Variants in ANGPT1 observed in about 807,000 individuals in gnomAD.
ANGPT1 encodes the protein angiopoietin 1, also known as angiopoietin-1.
Under a neutral mutation model 62.2 loss-of-function variants are expected in ANGPT1, and 17 were observed. The ratio of observed to expected loss-of-function variants is 0.27; its 90% confidence interval spans 0.19 to 0.41. The LOEUF (loss-of-function observed/expected upper bound fraction) is 0.41. ANGPT1 is among the 10% of genes least tolerant of loss of function. The probability of loss-of-function intolerance (pLI) is 1.00; values close to 1 mark genes in which losing one functional copy is unlikely to be tolerated. For missense variants in ANGPT1, 478 were observed against 594.9 expected, an observed-to-expected ratio of 0.80 and a Z score of 2.04; for synonymous variants, 199 against 198.9, an observed-to-expected ratio of 1.00 and a Z score of 0.00.
At position 107,337,963 on chromosome 8, in the gene ANGPT1, G is replaced by A. The variant is rs575291690; in HGVS notation, c.454-1692C>T. On this transcript the variant is annotated intron_variant, in intron 2 of 8. Transcript: ENST00000517746. ...ATACAAAAATTAACTGGGCATGGTG[G>A]TTTGTGCCTGTAGTCCCAGCTACTC... Among the ~76,000 whole-genome samples, 12 of 152,238 alleles carry A rather than the reference G, an allele frequency of 7.9e-5. No individual in the cohort carries two copies. The East Asian group carries it at 2.3e-3, about 29-fold the overall frequency.
intron 3 of ANGPT1, among the ~76,000 whole-genome samples, chr8:107,334,875 G>C (rs776399710): frequency 4.6e-5 from 7 of 152,156 alleles, no homozygotes; most frequent in Non-Finnish European, 8.8e-5. Context: ...GTCAAGTCCT[G>C]TCAAGTTTAT....
Position 107,250,767 on chromosome 8 carries a change from G to T in ANGPT1, c.*1088C>A, listed in dbSNP as rs1333638067. ...GTGTGAATCTGGTAAGCATGTTTCA[G>T]TTAATTAGCAAAATTTAAATTAGCA... On this transcript the variant is annotated 3_prime_UTR_variant, in exon 9 of 9. Transcript: ENST00000517746. 2 of 152,002 alleles carry T rather than the reference G, an allele frequency of 1.3e-5. No individual in the cohort carries two copies. Among genetic ancestry groups the T allele is most frequent in the Non-Finnish European group, 2.9e-5 (2 of 67,966 alleles). The allele number at this position is 152,002 out of a possible 1,614,324, so 9.4% of individuals were successfully genotyped here. A position where few individuals can be genotyped will look rare whatever the true frequency, so the allele number is the denominator to read the frequency against.
chr8:107,309,542 T>C (rs1391639327), intron 4 of ANGPT1, among the ~76,000 whole-genome samples: 2 of 152,174 alleles, frequency 1.3e-5, no homozygotes, highest in Non-Finnish European at 2.9e-5. Flanking sequence ...AGGTAATGTC[T>C]TGCATTTCAA....
In ANGPT1 at chr8:107,308,432, C is replaced by T. The variant is rs115815005; in HGVS notation, c.809-5065G>A. 1.3e-3 allele frequency among the ~76,000 whole-genome samples: 194 copies of T among 152,198 alleles called. 1 individual carries two copies. The highest frequency in any genetic ancestry group is 4.3e-3 in the African/African-American group (180 of 41,524). ...GGCAATCAACCTGGTCACAAGATAG[C>T]TGGCAATAACTTGTAAGGCTATAAT... is the stretch of plus-strand genomic sequence containing the variant. On this transcript the variant is annotated intron_variant, in intron 4 of 8. Transcript: ENST00000517746.
At chr8:107,418,800 TG>T (rs1362656521) in intron 1 of ANGPT1, among the ~76,000 whole-genome samples, 1 of 152,154 alleles carries the variant, frequency 6.6e-6, no homozygotes, top group Non-Finnish European at 1.5e-5. Context: ...GGGCCAGCCA[TG>T]GTGGGCTCCA....
At chr8:107,388,429 A>G (rs1267887884) in intron 1 of ANGPT1, among the ~76,000 whole-genome samples, 1 of 112,438 alleles carries the variant, frequency 8.9e-6, no homozygotes, top group Non-Finnish European at 2.2e-5. Flanking sequence ...TTATTTTTTA[A>G]TAAAAATAAA....
chr8:107,344,732 A>G (rs1237736080), intron 2 of ANGPT1, among the ~76,000 whole-genome samples: 1 of 152,214 alleles, frequency 6.6e-6, no homozygotes, highest in Non-Finnish European at 1.5e-5. Flanking sequence ...GTTTTAGGAA[A>G]AGCAACACTT....
intron 1 of ANGPT1, among the ~76,000 whole-genome samples, chr8:107,451,200 A>C (rs2130454105): frequency 6.6e-6 from 1 of 151,966 alleles, no homozygotes; most frequent in South Asian, 2.1e-4. Flanking sequence ...GATTACCAAC[A>C]GGAGACATCA....
intron 1 of ANGPT1, among the ~76,000 whole-genome samples, chr8:107,398,410 C>CA (rs548198242): frequency 1.9e-3 from 283 of 151,440 alleles, no homozygotes; most frequent in Non-Finnish European, 3.0e-3. Context: ...GGACTTTACT[C>CA]AAAGATTTGC....
intron 1 of ANGPT1, among the ~76,000 whole-genome samples, chr8:107,477,473 G>C (rs1338516003): frequency 6.6e-6 from 1 of 152,130 alleles, no homozygotes; most frequent in Non-Finnish European, 1.5e-5. Flanking sequence ...TTCATTCTGA[G>C]GATACCATGG....
chr8:107,407,340 T>A (rs1293747051), intron 1 of ANGPT1, among the ~76,000 whole-genome samples: 1 of 151,734 alleles, frequency 6.6e-6, no homozygotes, highest in Admixed American at 6.6e-5. Flanking sequence ...TTCAAAAAAA[T>A]CTACATATTT....
intron 1 of ANGPT1, among the ~76,000 whole-genome samples, chr8:107,436,883 T>A (rs532226981): frequency 6.6e-6 from 1 of 152,194 alleles, no homozygotes; most frequent in Non-Finnish European, 1.5e-5. Context: ...CAACAACTTA[T>A]TTGTATAACT....
chr8:107,266,500 T>C (rs1813616823), intron 7 of ANGPT1, among the ~76,000 whole-genome samples: 1 of 152,172 alleles, frequency 6.6e-6, no homozygotes. Flanking sequence ...GAATCAGAAT[T>C]GAGAGAATAA....
intron 1 of ANGPT1, 29 bp downstream of exon 1, chr8:107,497,233 G>A: frequency 6.2e-7 from 1 of 1,605,902 alleles, no homozygotes; most frequent in Non-Finnish European, 8.5e-7. Flanking sequence ...AAAGGTCCGT[G>A]CTATTAGAAA....
At chr8:107,490,099 C>T (rs188993309) in intron 1 of ANGPT1, among the ~76,000 whole-genome samples, 19 of 152,288 alleles carry the variant, frequency 1.2e-4, no homozygotes, top group Non-Finnish European at 2.5e-4. Context: ...AGCTGAGCTA[C>T]CCACTTATCG....
chr8:107,368,973 G>T (rs186626248), intron 1 of ANGPT1, among the ~76,000 whole-genome samples: 258 of 112,712 alleles, frequency 2.3e-3, no homozygotes, highest in African/African-American at 7.5e-3. Context: ...TACCAGCTGC[G>T]TTATCCCCCT....
intron 1 of ANGPT1, among the ~76,000 whole-genome samples, chr8:107,420,604 T>C (rs1255971214): frequency 1.3e-5 from 2 of 152,194 alleles, no homozygotes; most frequent in Non-Finnish European, 2.9e-5. Flanking sequence ...TCAGGTCTCA[T>C]ATCCTCTCAT....
At chr8:107,303,496 G>A (rs2129981218) in intron 4 of ANGPT1, 129 bp from the exon 5 acceptor site, 3 of 721,500 alleles carry the variant, frequency 4.2e-6, no homozygotes, top group Middle Eastern at 4.3e-4. Context: ...ATAGTAAAAA[G>A]TCAATCATAA....
At chr8:107,339,678 A>G (rs1343126638) in intron 2 of ANGPT1, among the ~76,000 whole-genome samples, 1 of 152,158 alleles carries the variant, frequency 6.6e-6, no homozygotes, top group Non-Finnish European at 1.5e-5. Context: ...AGAGGCAGGA[A>G]GGCTCATCTG....
Sources: allele counts gnomAD v4.1 joint callset (sites outside exome capture counted in the v4.1 genomes callset), GRCh38; gene constraint gnomAD v4.1.1; transcripts MANE v1.5; gene names NCBI Gene and HGNC (gene_info 2026-07-23, HGNC 2026-07-21).